SUGP1: variants seen among roughly 807,000 people sequenced by gnomAD.
SUGP1 encodes the protein SURP and G-patch domain-containing protein 1.
A neutral mutation model predicts 76.5 loss-of-function variants in SUGP1; 34 were observed. The ratio of observed to expected loss-of-function variants is 0.44; its 90% CI spans 0.34 to 0.59. The LOEUF is 0.59. Ranked by LOEUF, SUGP1 falls within the 20% of genes least tolerant of loss-of-function variation. The pLI, the probability that SUGP1 is intolerant of heterozygous loss-of-function variation, is 0.01. For synonymous variants in SUGP1, 326 were observed against 326.2 expected, an observed-to-expected ratio of 1.00 and a Z score of 0.01; for missense variants, 752 against 851.7, an observed-to-expected ratio of 0.88 and a Z score of 1.46.
chr19:19,309,300 C>G (rs897244411), intron 3 of SUGP1, among the ~76,000 whole-genome samples: 6 of 152,122 alleles, frequency 3.9e-5, no homozygotes, highest in Admixed American at 3.9e-4. Flanking sequence ...GCGTGACCAA[C>G]ATGGCGAAAT....
At chr19:19,296,172 A>C (rs1359831287) in intron 8 of SUGP1, among the ~76,000 whole-genome samples, 1 of 152,018 alleles carries the variant, frequency 6.6e-6, no homozygotes, top group Non-Finnish European at 1.5e-5. Context: ...TTTTATTTTA[A>C]AAAAAGGTGA....
chr19:19,318,046 A>C (rs1039251384), intron 1 of SUGP1, among the ~76,000 whole-genome samples: 5 of 150,996 alleles, frequency 3.3e-5, no homozygotes, highest in Non-Finnish European at 5.9e-5. Flanking sequence ...CCCGTCCTCA[A>C]GGGAACCTCC....
chr19:19,315,571 C>T (rs538048076), intron 2 of SUGP1, among the ~76,000 whole-genome samples: 31 of 152,334 alleles, frequency 2.0e-4, no homozygotes, highest in African/African-American at 7.0e-4. Flanking sequence ...CTGCCATCCA[C>T]TAAGGGACAG....
chr19:19,285,618 T>G, intron 8 of SUGP1, among the ~76,000 whole-genome samples: 1 of 152,238 alleles, frequency 6.6e-6, no homozygotes, highest in East Asian at 1.9e-4. Context: ...CAGGCTGGAG[T>G]GCAATGGCGT....
intron 2 of SUGP1, among the ~76,000 whole-genome samples, chr19:19,314,485 T>C (rs2061377843): frequency 6.6e-6 from 1 of 152,046 alleles, no homozygotes; most frequent in Non-Finnish European, 1.5e-5. Flanking sequence ...TGAATTACCT[T>C]TAAAGTTTAA....
chr19:19,278,589 C>G, intron 11 of SUGP1, 101 bp downstream of exon 11: 2 of 1,012,918 alleles, frequency 2.0e-6, no homozygotes, highest in Non-Finnish European at 3.0e-6. Flanking sequence ...CTGCTGTGAT[C>G]GAGAGGGTAG....
intron 2 of SUGP1, among the ~76,000 whole-genome samples, chr19:19,310,865 A>T (rs1759980135): frequency 6.6e-6 from 1 of 151,862 alleles, no homozygotes; most frequent in Admixed American, 6.6e-5. Flanking sequence ...CTGTTCTCGA[A>T]CTTCTAACCT....
At chr19:19,316,376 C>T (rs765698124) in intron 2 of SUGP1, 46 bp downstream of exon 2, 3 of 1,608,216 alleles carry the variant, frequency 1.9e-6, no homozygotes, top group South Asian at 1.1e-5. Flanking sequence ...TGGTGACCCT[C>T]AAAGACTCAC....
chr19:19,316,393 G>A, intron 2 of SUGP1, 29 bp downstream of exon 2: 1 of 1,612,980 alleles, frequency 6.2e-7, no homozygotes, highest in Non-Finnish European at 8.5e-7. Context: ...TCACATCCAG[G>A]CCCCATCCAG....
intron 3 of SUGP1, among the ~76,000 whole-genome samples, chr19:19,306,713 G>A (rs935281211): frequency 5.9e-5 from 9 of 152,238 alleles, no homozygotes; most frequent in Non-Finnish European, 1.2e-4. Flanking sequence ...CTGCACACCT[G>A]TAGGCGACCA....
chr19:19,284,017 C>T (rs2061120569), intron 8 of SUGP1, among the ~76,000 whole-genome samples: 1 of 152,246 alleles, frequency 6.6e-6, no homozygotes, highest in South Asian at 2.1e-4. Flanking sequence ...TGACACTGAT[C>T]ATCTCTGCAC....
chr19:19,277,859 G>A lies in SUGP1; in HGVS notation c.1656C>T (p.Tyr552=), dbSNP rs2061066201. 2 of 1,613,822 alleles carry A rather than the reference G, an allele frequency of 1.2e-6. No individual in the cohort carries two copies. The highest frequency in any genetic ancestry group is 1.3e-5 in the African/African-American group (1 of 74,920). Residue 552 remains tyrosine, a synonymous_variant, in exon 12 of 14, where the codon TAC becomes TAT. Transcript: ENST00000247001. ...TCAGCTTGAACTCCTTGTACTCTGAGTAGTCAGGCTCACGGCCCTCCTGCA... is the reference window on the plus strand; with the variant it reads ...TCAGCTTGAACTCCTTGTACTCTGAATAGTCAGGCTCACGGCCCTCCTGCA... The part of the protein sequence containing the change: ...KALKEGREPD[Y]SEYKEFKLTV...
rs753362121 is a variant in SUGP1 at position 19,303,840 on chromosome 19, G to A, written c.546C>T (p.Pro182=). 4 of 1,614,094 alleles carry A rather than the reference G, an allele frequency of 2.5e-6. No homozygotes were observed. In the Admixed American group the frequency reaches 5.0e-5, roughly 20 times the overall value. The part of the protein sequence containing the change: ...YEQWLEIKVS[P]PEGAETRKVI... ...CTTTCCGAGTCTCGGCTCCCTCTGG[G>A]GGTGAAACTTTAAGGAGGCTGTCAG... The change falls in exon 5 of 14, where the codon CCC becomes CCT. Residue 182 remains proline (P), a synonymous_variant. Transcript: ENST00000247001.
chr19:19,278,568 A>T, intron 11 of SUGP1, 122 bp downstream of exon 11: 22 of 765,010 alleles, frequency 2.9e-5, no homozygotes, highest in Non-Finnish European at 4.1e-5. Context: ...TGCAGCGAAA[A>T]GGCCTGGCTC....
At chr19:19,316,626 C>T in intron 1 of SUGP1, 33 bp from the exon 2 acceptor site, 1 of 1,609,936 alleles carries the variant, frequency 6.2e-7, no homozygotes, top group South Asian at 1.1e-5. Context: ...TCGGAAATCA[C>T]CCTTACTCCA....
rs1334261599 is a variant in SUGP1, at chr19:19,303,857, G to A, written c.539-10C>T. ...CCCTCTGGGGGTGAAACTTTAAGGA[G>A]GCTGTCAGTACTGGGGTTCAACTCA... On this transcript the variant is annotated splice_polypyrimidine_tract_variant and intron_variant, in intron 4 of 13. Coordinates refer to ENST00000247001, the MANE Select transcript of SUGP1 (RefSeq NM_172231.4). 1.2e-6 allele frequency: 2 copies of A among 1,613,916 alleles called. No individual in the cohort carries two copies. The highest frequency in any genetic ancestry group is 1.7e-5 in the Admixed American group (1 of 60,010).
At chr19:19,297,414 C>CAGTTCTGGCCTTCTGGGCAGGAGA in intron 7 of SUGP1, 70 bp from the exon 8 acceptor site, 2 of 1,345,586 alleles carry the variant, frequency 1.5e-6, no homozygotes, top group Non-Finnish European at 2.0e-6. Flanking sequence ...TGGGCAGGAG[C>CAGTTCTGGCCTTCTGGGCAGGAGA]AGTTCTGGCC....
At chr19:19,284,892 T>TA (rs1276568052) in intron 8 of SUGP1, among the ~76,000 whole-genome samples, 1 of 150,754 alleles carries the variant, frequency 6.6e-6, no homozygotes, top group Non-Finnish European at 1.5e-5. Context: ...TTTTTTTTTT[T>TA]AGATGGAGTC....
At chr19:19,285,803 G>A (rs2061135248) in intron 8 of SUGP1, among the ~76,000 whole-genome samples, 2 of 152,002 alleles carry the variant, frequency 1.3e-5, no homozygotes. Context: ...GGCCTCAAGC[G>A]ATCCGCCCAC....
Sources: gnomAD v4.1 joint callset for allele counts (sites outside exome capture counted in the v4.1 genomes callset) on GRCh38, gnomAD v4.1.1 for gene constraint, MANE v1.5 for transcripts, NCBI Gene and HGNC (gene_info 2026-07-23, HGNC 2026-07-21) for gene names.